The following ZNF138 variants were observed in gnomAD, a reference collection of about 807,000 sequenced individuals.
ZNF138 encodes the protein zinc finger protein 138 (clone pHZ-32).
A neutral mutation model predicts 33.0 loss-of-function variants in ZNF138; 33 were observed. The observed-to-expected ratio is 1.00, with a 90% CI of 0.76 to 1.34. ZNF138 has a LOEUF of 1.34. ZNF138 is among the 40% of genes most tolerant of loss of function. The pLI, the probability that ZNF138 is intolerant of heterozygous loss-of-function variation, is 0.00. For synonymous variants in ZNF138, 139 were observed against 120.4 expected (o/e 1.15, Z -1.01); for missense variants, 360 against 370.8 (o/e 0.97, Z 0.24).
intron 1 of ZNF138, among the ~76,000 whole-genome samples, chr7:64,802,028 G>C (rs562438311): frequency 2.8e-4 from 42 of 152,160 alleles, no homozygotes; most frequent in Middle Eastern, 3.2e-3. Flanking sequence ...GGGAGGTCCT[G>C]TGATCAGGCC....
At chr7:64,802,152 C>T (rs971760432) in intron 1 of ZNF138, among the ~76,000 whole-genome samples, 9 of 152,236 alleles carry the variant, frequency 5.9e-5, no homozygotes, top group Admixed American at 3.9e-4. Context: ...CTCAAAGTGG[C>T]GGCTTCCGGG....
At chr7:64,804,561 T>G (rs1787421556) in intron 1 of ZNF138, among the ~76,000 whole-genome samples, 1 of 146,306 alleles carries the variant, frequency 6.8e-6, no homozygotes, top group African/African-American at 2.5e-5. Flanking sequence ...GGTGGGTGGA[T>G]CATTGCAGTC....
chr7:64,802,935 A>G (rs1195568149), intron 1 of ZNF138, among the ~76,000 whole-genome samples: 1 of 151,956 alleles, frequency 6.6e-6, no homozygotes, highest in Non-Finnish European at 1.5e-5. Flanking sequence ...AAAAATGCAG[A>G]TTCACTGAGC....
intron 3 of ZNF138, chr7:64,831,145 CTA>C (rs1472257287): frequency 2.6e-6 from 4 of 1,528,186 alleles, no homozygotes; most frequent in South Asian, 1.2e-5. Context: ...TCTAGAGGCA[CTA>C]TGTTATATCG....
At chr7:64,845,512 T>C in the ZNF138 span, among the ~76,000 whole-genome samples, 1 of 152,364 alleles carries the variant, frequency 6.6e-6, no homozygotes, top group South Asian at 2.1e-4. Flanking sequence ...CTCTTTTTCA[T>C]AGTGGTTGTG....
chr7:64,820,050 G>C (rs139054569), intron 3 of ZNF138, among the ~76,000 whole-genome samples: 915 of 20,338 alleles, frequency 0.045, 46 homozygotes, highest in African/African-American at 0.25. Context: ...TCCAGCTCAG[G>C]TGACAGAGTG....
At chr7:64,850,209 G>A in the ZNF138 span, among the ~76,000 whole-genome samples, 12 of 152,318 alleles carry the variant, frequency 7.9e-5, no homozygotes, top group South Asian at 2.5e-3. Flanking sequence ...CCATGTTCTA[G>A]ACTTTCAGGT....
Position 64,794,688 on chromosome 7 carries a change from C to G in ZNF138, c.3+117C>G, listed in dbSNP as rs1786546530. ...CAGTCGGCTGCAAAATCCGCGGCCC[C>G]GAGTTCTTGGCACAGCTCGGCCCTC... On this transcript the variant is annotated intron_variant, in intron 1 of 3. Transcript: ENST00000307355. 2.1e-5 allele frequency: 32 copies of G among 1,491,722 alleles called. 1 individual carries two copies. The South Asian group carries it at 2.9e-4, about 14-fold the overall frequency. 92.4% of individuals were successfully genotyped at this position (1,491,722 alleles called of 1,614,324 possible).
the ZNF138 span, among the ~76,000 whole-genome samples, chr7:64,845,211 A>C: frequency 3.3e-5 from 5 of 152,208 alleles, no homozygotes; most frequent in African/African-American, 1.2e-4. Context: ...GAGTTACTTC[A>C]CTTAGAATAA....
intron 1 of ZNF138, among the ~76,000 whole-genome samples, chr7:64,802,302 G>A (rs1288948431): frequency 3.3e-5 from 5 of 152,166 alleles, no homozygotes; most frequent in African/African-American, 7.2e-5. Context: ...ATCTCAGATA[G>A]CAGACTTCAG....
chr7:64,851,413 T>C, the ZNF138 span, among the ~76,000 whole-genome samples: 1 of 152,040 alleles, frequency 6.6e-6, no homozygotes, highest in Non-Finnish European at 1.5e-5. Context: ...TTAACACAGA[T>C]CACAAAAAGC....
chr7:64,843,000 G>T, the ZNF138 span, among the ~76,000 whole-genome samples: 3 of 152,036 alleles, frequency 2.0e-5, no homozygotes, highest in Non-Finnish European at 4.4e-5. Flanking sequence ...AATAACTTGT[G>T]TCTGGTGGCC....
chr7:64,855,851 C>T, the ZNF138 span, among the ~76,000 whole-genome samples: 1 of 10,474 alleles, frequency 9.5e-5, no homozygotes, highest in African/African-American at 1.0e-4. Flanking sequence ...GGCGTGATCT[C>T]GGCTCGCTAC....
intron 1 of ZNF138, among the ~76,000 whole-genome samples, chr7:64,800,068 C>T (rs1266247778): frequency 2.0e-5 from 3 of 152,160 alleles, no homozygotes; most frequent in Non-Finnish European, 2.9e-5. Flanking sequence ...GTTTAAAGAA[C>T]GTTTCTGTGG....
the ZNF138 span, among the ~76,000 whole-genome samples, chr7:64,839,915 G>A: frequency 0.046 from 6,953 of 152,088 alleles, 500 homozygotes; most frequent in African/African-American, 0.15. Context: ...TCACTGGTCC[G>A]CAGCGGGAGG....
chr7:64,815,473 C>T (rs55683815), intron 2 of ZNF138, 103 bp from the exon 3 acceptor site: 296,801 of 899,012 alleles, frequency 0.33, 52,550 homozygotes, highest in Middle Eastern at 0.37. Context: ...TATTCTATTA[C>T]ATTCTCTTTA....
At chr7:64,811,792 A>T (rs1788199882) in intron 1 of ZNF138, among the ~76,000 whole-genome samples, 1 of 152,188 alleles carries the variant, frequency 6.6e-6, no homozygotes, top group African/African-American at 2.4e-5. Context: ...TCTCTAACTA[A>T]TGCTAATAAT....
chr7:64,825,497 G>A (rs11981568), intron 3 of ZNF138, among the ~76,000 whole-genome samples: 8,987 of 149,654 alleles, frequency 0.06, 842 homozygotes, highest in African/African-American at 0.2. Context: ...TAAGCCACTC[G>A]GGCATTTTCT....
downstream of ZNF138, chr7:64,836,947 A>G (rs916963849): frequency 1.3e-5 from 2 of 152,222 alleles, no homozygotes; most frequent in African/African-American, 4.8e-5. Flanking sequence ...GGGGCTTGTC[A>G]AAGCGAACTT....
Sources: allele counts gnomAD v4.1 joint callset (sites outside exome capture counted in the v4.1 genomes callset), GRCh38; gene constraint gnomAD v4.1.1; transcripts MANE v1.5; gene names NCBI Gene and HGNC (gene_info 2026-07-23, HGNC 2026-07-21).